The following SLIT2 variants were observed in gnomAD, a reference collection of about 807,000 sequenced individuals.
SLIT2 encodes slit homolog 2 protein.
A neutral mutation model predicts 185.7 loss-of-function variants in SLIT2; 41 were observed. The ratio of observed to expected loss-of-function variants is 0.22; its 90% CI spans 0.17 to 0.29. SLIT2 has a LOEUF of 0.29. Among genes scored for constraint, SLIT2 ranks in the 10% least tolerant of loss-of-function variants. The pLI is 1.00. For missense variants in SLIT2, 1,571 were observed against 1,909.0 expected (o/e 0.82, Z 3.30); for synonymous variants, 693 against 680.2 (o/e 1.02, Z -0.29).
chr4:20,518,557 G>GTGTGTGTGTATATA (rs1271279922), intron 11 of SLIT2, among the ~76,000 whole-genome samples: 4 of 17,848 alleles, frequency 2.2e-4, no homozygotes, highest in African/African-American at 8.9e-4. Flanking sequence ...CAGCCTATAT[G>GTGTGTGTGTATATA]TATATATATA....
At chr4:20,501,074 T>C (rs573317021) in intron 9 of SLIT2, among the ~76,000 whole-genome samples, 2 of 152,332 alleles carry the variant, frequency 1.3e-5, no homozygotes, top group East Asian at 3.9e-4. Flanking sequence ...AATGTCATTG[T>C]ATGTGAATTT....
chr4:20,332,285 G>C (rs989346587), intron 4 of SLIT2, among the ~76,000 whole-genome samples: 2 of 152,152 alleles, frequency 1.3e-5, no homozygotes, highest in Non-Finnish European at 2.9e-5. Context: ...GAAGTGGAGA[G>C]AGCAGATACC....
At chr4:20,458,722 A>G (rs2148725752) in intron 4 of SLIT2, among the ~76,000 whole-genome samples, 1 of 152,336 alleles carries the variant, frequency 6.6e-6, no homozygotes. Flanking sequence ...GAGGTTTGAG[A>G]AACAACAGAG....
At chr4:20,510,964 G>T (rs1006548202) in intron 10 of SLIT2, 102 bp from the exon 11 acceptor site, 30 of 692,262 alleles carry the variant, frequency 4.3e-5, no homozygotes, top group Non-Finnish European at 7.1e-5. Flanking sequence ...GACATGTCTT[G>T]ATAAGTACAA....
intron 29 of SLIT2, among the ~76,000 whole-genome samples, chr4:20,584,375 C>G (rs559853457): frequency 6.6e-6 from 1 of 152,318 alleles, no homozygotes; most frequent in East Asian, 1.9e-4. Context: ...AGAGTATTAT[C>G]AACTCTGATG....
intron 29 of SLIT2, among the ~76,000 whole-genome samples, chr4:20,574,946 C>CTAA (rs1439174530): frequency 6.6e-6 from 1 of 152,070 alleles, no homozygotes. Flanking sequence ...CAAATGGTTT[C>CTAA]ATATTTTAGA....
intron 29 of SLIT2, among the ~76,000 whole-genome samples, chr4:20,573,417 C>CTATG (rs1405301584): frequency 1.3e-5 from 2 of 152,116 alleles, no homozygotes; most frequent in African/African-American, 4.8e-5. Flanking sequence ...GATGTTTAAT[C>CTATG]TATGCATCGC....
intron 21 of SLIT2, among the ~76,000 whole-genome samples, chr4:20,543,039 A>G (rs1267363886): frequency 6.6e-6 from 1 of 151,920 alleles, no homozygotes; most frequent in Non-Finnish European, 1.5e-5. Context: ...TTTATATTTC[A>G]TTTACTTACA....
intron 4 of SLIT2, among the ~76,000 whole-genome samples, chr4:20,324,546 A>G (rs1719392803): frequency 6.6e-6 from 1 of 152,162 alleles, no homozygotes; most frequent in African/African-American, 2.4e-5. Context: ...TTGAAAAGAC[A>G]TGGGAAAGAG....
At chr4:20,614,658 T>G (rs139188364) in intron 34 of SLIT2, among the ~76,000 whole-genome samples, 14,344 of 151,320 alleles carry the variant, frequency 0.095, 803 homozygotes, top group Admixed American at 0.16. Context: ...ATGCCTGTAA[T>G]CCCAGCTTCT....
At chr4:20,501,597 A>C (rs1326844367) in intron 9 of SLIT2, among the ~76,000 whole-genome samples, 2 of 152,134 alleles carry the variant, frequency 1.3e-5, no homozygotes, top group African/African-American at 4.8e-5. Flanking sequence ...TCTCATGTTA[A>C]TTCTTAGTTA....
chr4:20,279,534 A>T (rs546976037), intron 4 of SLIT2, among the ~76,000 whole-genome samples: 2 of 152,150 alleles, frequency 1.3e-5, no homozygotes, highest in Non-Finnish European at 2.9e-5. Flanking sequence ...GTACATTATA[A>T]TGTGGTACAG....
intron 4 of SLIT2, among the ~76,000 whole-genome samples, chr4:20,368,227 A>C (rs1240355837): frequency 6.6e-6 from 1 of 150,622 alleles, no homozygotes; most frequent in Non-Finnish European, 1.5e-5. Context: ...AGCAAAAAAA[A>C]AAAAAAAGAA....
rs1729767525 is a variant in SLIT2 at position 20,617,553 on chromosome 4, G to A, written c.4251G>A (p.Gln1417=). Reference sequence around the variant, plus strand: ...AGGAGGATCTGTTTAACCCATGCCAGGCGATCAAGTGCAAGCATGGGAAGT... The same window carrying A: ...AGGAGGATCTGTTTAACCCATGCCAAGCGATCAAGTGCAAGCATGGGAAGT... ...DEEEDLFNPC[Q]AIKCKHGKCR... The change falls in exon 36 of 37, where the codon CAG becomes CAA. Residue 1417 remains glutamine (Q), a synonymous_variant. Transcript: ENST00000504154. 1.9e-6 allele frequency: 3 copies of A among 1,614,006 alleles called. No homozygotes were observed. The highest frequency in any genetic ancestry group is 2.5e-6 in the Non-Finnish European group (3 of 1,180,010).
intron 5 of SLIT2, among the ~76,000 whole-genome samples, chr4:20,469,088 G>C (rs533886383): frequency 6.6e-6 from 1 of 152,188 alleles, no homozygotes; most frequent in African/African-American, 2.4e-5. Flanking sequence ...AATTTAATAT[G>C]ATTTTATTTG....
chr4:20,362,641 G>A (rs561842804), intron 4 of SLIT2, among the ~76,000 whole-genome samples: 8 of 151,170 alleles, frequency 5.3e-5, no homozygotes, highest in African/African-American at 1.5e-4. Flanking sequence ...TTAAAATAAC[G>A]TGTATCTTCT....
chr4:20,435,687 C>T (rs1457288479), intron 4 of SLIT2, among the ~76,000 whole-genome samples: 1 of 152,068 alleles, frequency 6.6e-6, no homozygotes, highest in Non-Finnish European at 1.5e-5. Flanking sequence ...AAGAAATTTT[C>T]CTAGAAAGTT....
chr4:20,481,038 A>G (rs563394922), intron 6 of SLIT2, among the ~76,000 whole-genome samples: 20 of 152,188 alleles, frequency 1.3e-4, no homozygotes, highest in African/African-American at 4.8e-4. Context: ...TTTTTATGAG[A>G]TTCATAGAAT....
chr4:20,424,603 C>A (rs1396584988), intron 4 of SLIT2, among the ~76,000 whole-genome samples: 2 of 152,102 alleles, frequency 1.3e-5, no homozygotes, highest in African/African-American at 4.8e-5. Context: ...AGAAATCTAG[C>A]ATGATTCCAT....
Sources: gnomAD v4.1 joint callset for allele counts (sites outside exome capture counted in the v4.1 genomes callset) on GRCh38, gnomAD v4.1.1 for gene constraint, MANE v1.5 for transcripts, NCBI Gene and HGNC (gene_info 2026-07-23, HGNC 2026-07-21) for gene names.